Variants in NRROS observed in about 807,000 individuals in gnomAD.
NRROS encodes the protein negative regulator of reactive oxygen species.
A neutral mutation model predicts 12.0 loss-of-function variants in NRROS; 6 were observed. That is an observed-to-expected ratio of 0.50 (90% CI 0.27 to 0.98). NRROS has a LOEUF of 0.98. Among genes scored for constraint, NRROS ranks in the 50% least tolerant of loss-of-function variants. The pLI is 0.11. For missense variants in NRROS, 857 were observed against 888.2 expected (o/e 0.96, Z 0.45); for synonymous variants, 462 against 410.2 (o/e 1.13, Z -1.53).
chr3:196,657,449 C>T (rs564849952), intron 2 of NRROS, among the ~76,000 whole-genome samples: 23 of 151,962 alleles, frequency 1.5e-4, no homozygotes, highest in African/African-American at 5.1e-4. Flanking sequence ...TGGCCGGGCG[C>T]GGTGGCTCAC....
At chr3:196,659,512 T>C (rs1553789085) in intron 2 of NRROS, among the ~76,000 whole-genome samples, 1 of 152,074 alleles carries the variant, frequency 6.6e-6, no homozygotes, top group Non-Finnish European at 1.5e-5. Flanking sequence ...CCTCACCATG[T>C]TGGCCAGGCT....
At chr3:196,656,142 G>A (rs997224541) in intron 2 of NRROS, among the ~76,000 whole-genome samples, 6 of 152,114 alleles carry the variant, frequency 3.9e-5, no homozygotes, top group Admixed American at 1.3e-4. Context: ...ACTCCAGCCT[G>A]GGTGACAGAG....
intron 1 of NRROS, among the ~76,000 whole-genome samples, chr3:196,643,834 A>G (rs1228393413): frequency 6.6e-6 from 1 of 152,100 alleles, no homozygotes; most frequent in African/African-American, 2.4e-5. Context: ...TGTGGTCCTC[A>G]GGCACCAAGG....
intron 2 of NRROS, among the ~76,000 whole-genome samples, chr3:196,655,836 T>C (rs1462160878): frequency 1.3e-5 from 2 of 152,118 alleles, no homozygotes; most frequent in Non-Finnish European, 2.9e-5. Context: ...CCAGTAATTT[T>C]CCCCTTCATC....
At chr3:196,646,348 C>T (rs1218316327) in intron 1 of NRROS, among the ~76,000 whole-genome samples, 3 of 152,258 alleles carry the variant, frequency 2.0e-5, no homozygotes, top group Non-Finnish European at 4.4e-5. Flanking sequence ...GATGCTAATG[C>T]GTTATGCGGT....
intron 1 of NRROS, among the ~76,000 whole-genome samples, chr3:196,646,992 C>A (rs140707884): frequency 6.6e-6 from 1 of 152,180 alleles, no homozygotes; most frequent in East Asian, 1.9e-4. Flanking sequence ...TTATTATGAA[C>A]GTCTTTCTGC....
chr3:196,642,447 G>A (rs1315979871), intron 1 of NRROS, among the ~76,000 whole-genome samples: 1 of 152,144 alleles, frequency 6.6e-6, no homozygotes, highest in Non-Finnish European at 1.5e-5. Context: ...TCTTTACCAG[G>A]CAAGTCCCGG....
chr3:196,660,230 T>C lies in NRROS; in HGVS notation c.587T>C (p.Ile196Thr), dbSNP rs760948915. 1 of 1,613,576 alleles carries C rather than the reference T, an allele frequency of 6.2e-7. No homozygotes were observed. The highest frequency in any genetic ancestry group is 1.1e-5 in the South Asian group (1 of 91,070). Residue 196 changes from isoleucine to threonine, a missense_variant, in exon 3 of 3, where the codon ATC becomes ACC. Coordinates refer to ENST00000328557, the MANE Select transcript of NRROS (RefSeq NM_198565.3). This position sits in a 1 kb window ranked among gnomAD's most constrained non-coding sequence, Gnocchi z 7.7. ...LDLQRNYIFE[I>T]EGGAFDGLAE... ...CTGCAGAGGAACTACATCTTCGAGATCGAGGGCGGCGCTTTCGACGGCCTG... is the reference window on the plus strand; with the variant it reads ...CTGCAGAGGAACTACATCTTCGAGACCGAGGGCGGCGCTTTCGACGGCCTG...
chr3:196,657,344 C>T (rs1201903130), intron 2 of NRROS, among the ~76,000 whole-genome samples: 1 of 152,098 alleles, frequency 6.6e-6, no homozygotes, highest in Non-Finnish European at 1.5e-5. Flanking sequence ...TGGAACAGCA[C>T]CCCATAGCGT....
chr3:196,660,861 G>T lies in NRROS; in HGVS notation c.1218G>T (p.Leu406Phe). 1 of 1,613,942 alleles carries T rather than the reference G, an allele frequency of 6.2e-7. No homozygotes were observed. Among genetic ancestry groups the T allele is most frequent in the Non-Finnish European group, 8.5e-7 (1 of 1,180,032 alleles). Residue 406 changes from leucine to phenylalanine, a missense_variant, in exon 3 of 3, where the codon TTG (leucine) becomes TTT (phenylalanine). Leu to Phe is a conservative substitution (Grantham distance 22, BLOSUM62 0). Coordinates refer to ENST00000328557, the MANE Select transcript of NRROS (RefSeq NM_198565.3). The surrounding 1 kb of genome is among the most constrained non-coding windows in gnomAD (Gnocchi z 7.7). ...GLASCLGSLRLFNLSSNQLLG... is the reference protein window; with the variant it reads ...GLASCLGSLRFFNLSSNQLLG... ...CCAGCTGCCTGGGCAGCCTGCGCTT[G>T]TTCAACCTGAGCTCCAACCAGCTCC...
chr3:196,660,670 C>T lies in NRROS; in HGVS notation c.1027C>T (p.Leu343=), dbSNP rs765026810. The change falls in exon 3 of 3, where the codon CTG becomes TTG. Residue 343 remains leucine, a synonymous_variant. Coordinates refer to ENST00000328557, the MANE Select transcript of NRROS (RefSeq NM_198565.3). This position sits in a 1 kb window ranked among gnomAD's most constrained non-coding sequence, Gnocchi z 7.7. ...LDMSQNQFQY[L]PDGFLRKMPS... is the part of the protein sequence containing the mutation. ...CATGAGCCAGAACCAGTTCCAGTAC[C>T]TGCCAGACGGCTTCCTGAGGAAAAT... 3 of 1,614,106 alleles carry T rather than the reference C, an allele frequency of 1.9e-6. No homozygotes were observed. The highest frequency in any genetic ancestry group is 2.2e-5 in the East Asian group (1 of 44,896).
intron 2 of NRROS, among the ~76,000 whole-genome samples, chr3:196,656,089 C>G (rs887625765): frequency 6.6e-6 from 1 of 152,098 alleles, no homozygotes; most frequent in Non-Finnish European, 1.5e-5. Context: ...ATTGCTTGAA[C>G]CTGGGAGGCA....
chr3:196,660,381 A>G lies in NRROS; in HGVS notation c.738A>G (p.Gly246=), dbSNP rs1041790140. 1 of 1,613,734 alleles carries G rather than the reference A, an allele frequency of 6.2e-7. No homozygotes were observed. The highest frequency in any genetic ancestry group is 8.5e-7 in the Non-Finnish European group (1 of 1,179,922). Residue 246 remains glycine (G), a synonymous_variant, in exon 3 of 3, where the codon GGA becomes GGG. Transcript: ENST00000328557. The surrounding 1 kb of genome is among the most constrained non-coding windows in gnomAD (Gnocchi z 7.7). ...TGGAGTGGTTCCTCGCGACCGGGGG[A>G]GAGGCTGCCTTCGAGCTGGAGACGC... The part of the protein sequence containing the change: ...NVLEWFLATG[G]EAAFELETLD...
intron 1 of NRROS, among the ~76,000 whole-genome samples, chr3:196,642,339 G>A (rs1737225187): frequency 6.6e-6 from 1 of 152,000 alleles, no homozygotes; most frequent in Non-Finnish European, 1.5e-5. Context: ...AAGTGTATGG[G>A]CAATAGTTTC....
intron 1 of NRROS, among the ~76,000 whole-genome samples, chr3:196,642,914 A>T (rs1424503290): frequency 6.6e-6 from 1 of 152,000 alleles, no homozygotes; most frequent in East Asian, 1.9e-4. Context: ...TACTAAAAAT[A>T]CAAAAATTAG....
chr3:196,646,082 C>T (rs928899690), intron 1 of NRROS, among the ~76,000 whole-genome samples: 8 of 152,088 alleles, frequency 5.3e-5, no homozygotes, highest in Non-Finnish European at 1.2e-4. Context: ...TCCCTTACAT[C>T]GACAAAGCCT....
intron 1 of NRROS, among the ~76,000 whole-genome samples, chr3:196,647,377 T>C (rs554247052): frequency 2.6e-5 from 4 of 152,284 alleles, no homozygotes; most frequent in Admixed American, 2.6e-4. Context: ...TTTTGACAAA[T>C]TCATTATTAA....
chr3:196,652,584 C>T (rs1333769606), intron 1 of NRROS, among the ~76,000 whole-genome samples: 2 of 152,164 alleles, frequency 1.3e-5, no homozygotes, highest in African/African-American at 4.8e-5. Context: ...GCCAGGGCCA[C>T]AACAAGAGTT....
rs371528465 is a variant in NRROS, at chr3:196,647,185, T to C, written c.-14+7310T>C. Among the ~76,000 whole-genome samples, 50 of 152,336 alleles carry C rather than the reference T, an allele frequency of 3.3e-4. No individual in the cohort carries two copies. The South Asian group carries it at 0.01, about 31-fold the overall frequency. On this transcript the variant is annotated intron_variant, in intron 1 of 2. Transcript: ENST00000328557. Reference sequence around the variant, plus strand: ...TTTTAAAATATTTTTATGTACATTGTATTTCCTTAGGATAAATTCCTAGAA... The same window carrying C: ...TTTTAAAATATTTTTATGTACATTGCATTTCCTTAGGATAAATTCCTAGAA...
Sources: allele counts gnomAD v4.1 joint callset (sites outside exome capture counted in the v4.1 genomes callset), GRCh38; gene constraint gnomAD v4.1.1; non-coding constraint Gnocchi (gnomAD v3.1); transcripts MANE v1.5; gene names NCBI Gene and HGNC (gene_info 2026-07-23, HGNC 2026-07-21).